Variants in LINGO2 observed in about 807,000 individuals in gnomAD.
LINGO2 encodes leucine rich repeat and Ig domain containing 2.
In LINGO2, 14 loss-of-function variants were observed where a neutral mutation model predicts 30.6. The observed-to-expected ratio is 0.46, with a 90% CI of 0.30 to 0.72. The LOEUF is 0.72. LINGO2 is among the 30% of genes least tolerant of loss of function. LINGO2 has a pLI of 0.07. For synonymous variants in LINGO2, 317 were observed against 288.5 expected, an observed-to-expected ratio of 1.10 and a Z score of -1.00; for missense variants, 729 against 751.7, an observed-to-expected ratio of 0.97 and a Z score of 0.35.
At chr9:29,173,210 G>A in the LINGO2 span, among the ~76,000 whole-genome samples, 1 of 151,970 alleles carries the variant, frequency 6.6e-6, no homozygotes, top group Admixed American at 6.6e-5. Context: ...AGAGTGTCCT[G>A]ACTACTATCC....
chr9:28,663,911 T>C (rs1220441735), intron 1 of LINGO2, among the ~76,000 whole-genome samples: 2 of 127,868 alleles, frequency 1.6e-5, no homozygotes, highest in Non-Finnish European at 3.2e-5. Flanking sequence ...CTTGAGATTA[T>C]ATATGAATTA....
intron 1 of LINGO2, among the ~76,000 whole-genome samples, chr9:28,653,361 G>C (rs1361329097): frequency 2.6e-5 from 4 of 152,110 alleles, no homozygotes; most frequent in Admixed American, 2.6e-4. Context: ...TAAATGCTTA[G>C]ACTTGGGTAT....
chr9:28,838,801 TGGC>T, the LINGO2 span, among the ~76,000 whole-genome samples: 1 of 152,216 alleles, frequency 6.6e-6, no homozygotes, highest in Non-Finnish European at 1.5e-5. Context: ...AGGCTACACT[TGGC>T]TATGTTACCA....
chr9:28,673,805 C>T (rs913732382), upstream of LINGO2, among the ~76,000 whole-genome samples: 16 of 151,754 alleles, frequency 1.1e-4, no homozygotes, highest in African/African-American at 2.9e-4. Context: ...AGAACAAAAA[C>T]GTAAGAAGCA....
chr9:28,237,961 A>C (rs1239198606), intron 4 of LINGO2, among the ~76,000 whole-genome samples: 2 of 152,226 alleles, frequency 1.3e-5, no homozygotes, highest in Non-Finnish European at 2.9e-5. Context: ...ATGGAAACCT[A>C]AAAAGAGCAG....
chr9:28,487,450 C>A (rs1275440089), intron 1 of LINGO2, among the ~76,000 whole-genome samples: 2 of 152,074 alleles, frequency 1.3e-5, no homozygotes, highest in African/African-American at 4.8e-5. Context: ...ATATGCATAA[C>A]AATTCTTATG....
At chr9:28,978,380 G>A in the LINGO2 span, among the ~76,000 whole-genome samples, 2 of 152,168 alleles carry the variant, frequency 1.3e-5, no homozygotes, top group East Asian at 3.9e-4. Context: ...AATTTCCTGG[G>A]TATTTCTGTG....
At chr9:28,354,320 G>T (rs958102501) in intron 3 of LINGO2, among the ~76,000 whole-genome samples, 1 of 152,176 alleles carries the variant, frequency 6.6e-6, no homozygotes, top group South Asian at 2.1e-4. Flanking sequence ...TTATTTTATG[G>T]TAATTATGCA....
At chr9:28,426,867 A>G (rs1399478339) in intron 2 of LINGO2, among the ~76,000 whole-genome samples, 2 of 152,138 alleles carry the variant, frequency 1.3e-5, no homozygotes, top group Non-Finnish European at 2.9e-5. Flanking sequence ...CAATCAAGAT[A>G]CACTTCAGAT....
At chr9:28,397,704 C>T (rs1831551) in intron 2 of LINGO2, among the ~76,000 whole-genome samples, 30,495 of 151,724 alleles carry the variant, frequency 0.2, 3,327 homozygotes, top group Middle Eastern at 0.32. Flanking sequence ...CCCGCCACCA[C>T]GCCCAGCTAA....
intron 2 of LINGO2, among the ~76,000 whole-genome samples, chr9:28,435,004 C>T (rs1450002316): frequency 6.6e-6 from 1 of 152,018 alleles, no homozygotes; most frequent in Non-Finnish European, 1.5e-5. Flanking sequence ...TTTCATTTTA[C>T]TTAAAAAAAA....
At chr9:28,433,094 C>T (rs1465758661) in intron 2 of LINGO2, among the ~76,000 whole-genome samples, 1 of 152,046 alleles carries the variant, frequency 6.6e-6, no homozygotes, top group Non-Finnish European at 1.5e-5. Flanking sequence ...TTCAAAATGG[C>T]TATCATCTCT....
intron 4 of LINGO2, among the ~76,000 whole-genome samples, chr9:28,066,751 C>G (rs1825325196): frequency 6.6e-6 from 1 of 152,094 alleles, no homozygotes; most frequent in South Asian, 2.1e-4. Context: ...CTTCTGGTCT[C>G]TGAATGCCCA....
At chr9:28,877,141 C>T in the LINGO2 span, among the ~76,000 whole-genome samples, 2 of 145,550 alleles carry the variant, frequency 1.4e-5, no homozygotes, top group African/African-American at 2.6e-5. Flanking sequence ...ATTTTAGATT[C>T]TGGATATTAG....
chr9:28,480,240 GT>G (rs1427550666), intron 1 of LINGO2, among the ~76,000 whole-genome samples: 160 of 151,822 alleles, frequency 1.1e-3, no homozygotes, highest in Non-Finnish European at 1.6e-4. Flanking sequence ...GAGCTGGTCA[GT>G]TCATTTTCTT....
intron 4 of LINGO2, among the ~76,000 whole-genome samples, chr9:28,055,272 T>A (rs955457211): frequency 2.0e-5 from 3 of 152,314 alleles, no homozygotes; most frequent in Non-Finnish European, 4.4e-5. Context: ...TCCTTTTCCC[T>A]GTAGTTGCTT....
the LINGO2 span, among the ~76,000 whole-genome samples, chr9:29,181,627 G>C: frequency 6.6e-6 from 1 of 152,110 alleles, no homozygotes; most frequent in African/African-American, 2.4e-5. Flanking sequence ...AAAAAGAGAA[G>C]AGGCAACTGA....
At chr9:28,725,401 C>G in the LINGO2 span, among the ~76,000 whole-genome samples, 967 of 151,508 alleles carry the variant, frequency 6.4e-3, 23 homozygotes, top group East Asian at 0.036. Context: ...TGATTAAACA[C>G]AGATAGGATT....
At chr9:28,002,072 CAGAT>C (rs1370690361) in intron 5 of LINGO2, among the ~76,000 whole-genome samples, 7 of 152,314 alleles carry the variant, frequency 4.6e-5, no homozygotes, top group Admixed American at 4.6e-4. Context: ...TCACAGCACT[CAGAT>C]AGGCTAAACC....
Sources: allele counts gnomAD v4.1 joint callset (sites outside exome capture counted in the v4.1 genomes callset), GRCh38; gene constraint gnomAD v4.1.1; transcripts MANE v1.5; gene names NCBI Gene and HGNC (gene_info 2026-07-23, HGNC 2026-07-21).